IRAK2: variants seen among roughly 807,000 people sequenced by gnomAD.
The protein encoded by IRAK2 is interleukin-1 receptor-associated kinase-like 2.
IRAK2 carries 57 observed loss-of-function variants against 72.0 expected under a neutral mutation model. The ratio of observed to expected loss-of-function variants is 0.79; its 90% confidence interval spans 0.64 to 0.99. IRAK2 has a LOEUF of 0.99. Among genes scored for constraint, IRAK2 ranks in the 50% least tolerant of loss-of-function variants. The pLI is 0.00. For missense variants in IRAK2, 790 were observed against 794.4 expected, an observed-to-expected ratio of 0.99 and a Z score of 0.07; for synonymous variants, 293 against 312.7, an observed-to-expected ratio of 0.94 and a Z score of 0.67.
intron 2 of IRAK2, among the ~76,000 whole-genome samples, chr3:10,188,767 C>G (rs1363292449): frequency 6.6e-6 from 1 of 152,228 alleles, no homozygotes; most frequent in Admixed American, 6.5e-5. Flanking sequence ...CTCAGGTGAT[C>G]CCCCTGCCTT....
At chr3:10,170,013 A>C (rs956289244) in intron 1 of IRAK2, among the ~76,000 whole-genome samples, 9 of 152,184 alleles carry the variant, frequency 5.9e-5, no homozygotes, top group Non-Finnish European at 1.2e-4. Flanking sequence ...CTGACTTCCC[A>C]CAACACTACA....
chr3:10,231,708 ATGTCACTT>A, intron 10 of IRAK2, among the ~76,000 whole-genome samples: 1 of 151,904 alleles, frequency 6.6e-6, no homozygotes, highest in Non-Finnish European at 1.5e-5. Flanking sequence ...TGGAGATGGG[ATGTCACTT>A]TGTTGCCCAG....
chr3:10,181,035 C>A (rs553384138), intron 2 of IRAK2, among the ~76,000 whole-genome samples: 40 of 152,256 alleles, frequency 2.6e-4, no homozygotes, highest in Non-Finnish European at 5.1e-4. Context: ...ACCCTGACTC[C>A]TCTGTGTGCC....
chr3:10,203,531 G>A (rs1697395623), intron 3 of IRAK2, among the ~76,000 whole-genome samples: 1 of 152,244 alleles, frequency 6.6e-6, no homozygotes, highest in Non-Finnish European at 1.5e-5. Flanking sequence ...TTTGGTAGGA[G>A]TGAAGTATAC....
chr3:10,204,117 G>C (rs1287407422), intron 3 of IRAK2, among the ~76,000 whole-genome samples: 2 of 152,200 alleles, frequency 1.3e-5, no homozygotes, highest in Admixed American at 6.5e-5. Context: ...CACCAGCCTT[G>C]GTAAAATACC....
intron 11 of IRAK2, among the ~76,000 whole-genome samples, chr3:10,235,200 C>T (rs1313648807): frequency 6.6e-6 from 1 of 152,120 alleles, no homozygotes; most frequent in Non-Finnish European, 1.5e-5. Context: ...ATGCACTAGG[C>T]GGACGTCCTA....
chr3:10,192,019 TGG>T (rs1331349412), intron 2 of IRAK2, among the ~76,000 whole-genome samples: 110 of 129,156 alleles, frequency 8.5e-4, no homozygotes, highest in African/African-American at 3.2e-3. Context: ...TAGCTTGAGT[TGG>T]GAGTGTGTGT....
At chr3:10,176,233 A>G (rs572934796) in intron 1 of IRAK2, among the ~76,000 whole-genome samples, 1 of 152,256 alleles carries the variant, frequency 6.6e-6, no homozygotes, top group Admixed American at 6.5e-5. Flanking sequence ...TCTGATCCTT[A>G]TAACAGTTCT....
chr3:10,230,496 G>C (rs1246457699), intron 10 of IRAK2, among the ~76,000 whole-genome samples: 2 of 151,918 alleles, frequency 1.3e-5, no homozygotes, highest in African/African-American at 2.4e-5. Context: ...CATCTGACAG[G>C]TTTATTGAAG....
At chr3:10,197,864 A>T (rs2125150623) in intron 2 of IRAK2, among the ~76,000 whole-genome samples, 1 of 150,736 alleles carries the variant, frequency 6.6e-6, no homozygotes, top group East Asian at 2.0e-4. Flanking sequence ...AAAAAAAAAA[A>T]AATTATTTAA....
Position 10,211,890 on chromosome 3 carries a change from A to C in IRAK2, c.529-1317A>C, listed in dbSNP as rs1021531811. 5.9e-5 allele frequency among the ~76,000 whole-genome samples: 9 copies of C among 152,156 alleles called. No homozygotes were observed. In the East Asian group the frequency reaches 1.4e-3, roughly 23 times the overall value. ...CAGGAGATGGAGACCATCCTGGCTA[A>C]CACGGTGAGGCCTCATCTCTACTAA... On this transcript the variant is annotated intron_variant, in intron 4 of 12. Coordinates refer to ENST00000256458, the MANE Select transcript of IRAK2 (RefSeq NM_001570.4).
intron 2 of IRAK2, among the ~76,000 whole-genome samples, chr3:10,192,054 G>GTGT (rs1697183708): frequency 6.6e-6 from 1 of 151,374 alleles, no homozygotes; most frequent in African/African-American, 2.4e-5. Flanking sequence ...GTGTGTGTGT[G>GTGT]TGTGTGTTGT....
intron 2 of IRAK2, among the ~76,000 whole-genome samples, chr3:10,199,033 T>C (rs534125593): frequency 6.6e-6 from 1 of 152,050 alleles, no homozygotes; most frequent in Non-Finnish European, 1.5e-5. Flanking sequence ...GTGTGGACAT[T>C]ATCTAGGCAA....
At chr3:10,202,232 A>G (rs1697370429) in intron 3 of IRAK2, among the ~76,000 whole-genome samples, 1 of 152,216 alleles carries the variant, frequency 6.6e-6, no homozygotes, top group African/African-American at 2.4e-5. Flanking sequence ...AAATTATAAC[A>G]AAATAGGGAA....
chr3:10,219,552 T>G, intron 7 of IRAK2, 128 bp from the exon 8 acceptor site: 2 of 659,764 alleles, frequency 3.0e-6, no homozygotes, highest in Non-Finnish European at 5.5e-6. Context: ...TCTCCTGAAC[T>G]AGTGATCTGC....
At position 10,243,517 on chromosome 3, in the gene IRAK2, T is replaced by C. The variant is rs567594263; in HGVS notation, c.*1289T>C. 1 of 152,768 alleles carries C rather than the reference T, an allele frequency of 6.5e-6. No individual in the cohort carries two copies. Among genetic ancestry groups the C allele is most frequent in the African/African-American group, 2.4e-5 (1 of 41,576 alleles). The allele number at this position is 152,768 out of a possible 1,614,324, so 9.5% of individuals were successfully genotyped here. A position where few individuals can be genotyped will look rare whatever the true frequency, so the allele number is the denominator to read the frequency against. ...GGAGGAACAGATGAGACAGTGGCTA[T>C]AGAAGCACTTGGAAAATGCACTTGT... On this transcript the variant is annotated 3_prime_UTR_variant, in exon 13 of 13. Transcript: ENST00000256458.
At chr3:10,171,205 G>A (rs1040639324) in intron 1 of IRAK2, among the ~76,000 whole-genome samples, 1 of 152,210 alleles carries the variant, frequency 6.6e-6, no homozygotes, top group Non-Finnish European at 1.5e-5. Flanking sequence ...CGGCGCAGGG[G>A]CTCTTCTGTG....
chr3:10,169,986 G>A (rs182433654), intron 1 of IRAK2, among the ~76,000 whole-genome samples: 5 of 152,278 alleles, frequency 3.3e-5, no homozygotes, highest in East Asian at 3.9e-4. Flanking sequence ...GGCTTCAGCC[G>A]GTCCTGTTCG....
At position 10,221,462 on chromosome 3, in the gene IRAK2, C is replaced by T. The variant is rs543728594; in HGVS notation, c.1014-1174C>T. Reference sequence around the variant, plus strand: ...TAGAGATAGGGTTTCACTGTGTTAGCCATGATGGTCTCGATCTCCTGACCT... The same window carrying T: ...TAGAGATAGGGTTTCACTGTGTTAGTCATGATGGTCTCGATCTCCTGACCT... On this transcript the variant is annotated intron_variant, in intron 8 of 12. Coordinates refer to ENST00000256458, the MANE Select transcript of IRAK2 (RefSeq NM_001570.4). 1.6e-4 allele frequency among the ~76,000 whole-genome samples: 25 copies of T among 151,520 alleles called. No individual in the cohort carries two copies. In the South Asian group the frequency reaches 5.2e-3, roughly 32 times the overall value.
Sources: allele counts gnomAD v4.1 joint callset (sites outside exome capture counted in the v4.1 genomes callset), GRCh38; gene constraint gnomAD v4.1.1; transcripts MANE v1.5; gene names NCBI Gene and HGNC (gene_info 2026-07-23, HGNC 2026-07-21).